The following NHSL1 variants were observed in gnomAD, a reference collection of about 807,000 sequenced individuals.
NHSL1 encodes the protein NHS-like protein 1.
In NHSL1, 48 loss-of-function variants were observed where a neutral mutation model predicts 95.0. That is an observed-to-expected ratio of 0.51 (90% CI 0.40 to 0.64). The LOEUF is 0.64. NHSL1 is among the 30% of genes least tolerant of loss of function. The pLI is 0.00. For missense variants in NHSL1, 1,971 were observed against 2,077.7 expected, an observed-to-expected ratio of 0.95 and a Z score of 1.00; for synonymous variants, 783 against 833.9, an observed-to-expected ratio of 0.94 and a Z score of 1.05.
chr6:138,512,218 A>G, intron 1 of NHSL1: 1 of 446,790 alleles, frequency 2.2e-6, no homozygotes, highest in Non-Finnish European at 4.5e-6. Flanking sequence ...ATGCACAATC[A>G]TTTTTAATCA....
In NHSL1 at chr6:138,432,921, T is replaced by C. The variant is rs370193302; in HGVS notation, c.1424A>G (p.His475Arg). The C allele has an allele frequency of 9.4e-5, 146 of 1,551,314 alleles. No individual in the cohort carries two copies. The East Asian group carries it at 2.6e-3, about 27-fold the overall frequency. The change falls in exon 6 of 8, where the codon CAT becomes CGT. Residue 475 changes from histidine (H) to arginine (R), a missense_variant. Physicochemically the swap from His to Arg is conservative, Grantham distance 29. This residue lies in a region of NHSL1 where 1,602 missense variants were observed against 1,654.5 expected (regional missense o/e 0.97). Transcript: ENST00000343505. The surrounding 1 kb of genome is among the most constrained non-coding windows in gnomAD (Gnocchi z 4.4). ...TAAGTCCTGTGAAAGAATGGTGGCA[T>C]GGCCCTCATTCCAGTGGCGACCGGG... is the stretch of plus-strand genomic sequence containing the variant. ...QSPGRHWNEG[H>R]ATILSQDLDP...
At chr6:138,529,984 C>A (rs1164865019) in intron 1 of NHSL1, among the ~76,000 whole-genome samples, 2 of 152,238 alleles carry the variant, frequency 1.3e-5, no homozygotes, top group East Asian at 1.9e-4. Flanking sequence ...AGTTGTTTTC[C>A]ATTATTTGAA....
chr6:138,541,467 C>T (rs4479952), intron 1 of NHSL1, among the ~76,000 whole-genome samples: 24,039 of 152,176 alleles, frequency 0.16, 4,150 homozygotes, highest in African/African-American at 0.44. Context: ...CATTGTGTAA[C>T]AATCACACCA....
At chr6:138,558,283 C>T (rs1044604884) in intron 1 of NHSL1, among the ~76,000 whole-genome samples, 3 of 151,666 alleles carry the variant, frequency 2.0e-5, no homozygotes, top group African/African-American at 7.3e-5. Context: ...CCACCACGCC[C>T]GGCTAATTTT....
At chr6:138,501,106 A>G (rs924732799), upstream of NHSL1, among the ~76,000 whole-genome samples, 8 of 152,236 alleles carry the variant, frequency 5.3e-5, no homozygotes, top group Admixed American at 4.6e-4. Flanking sequence ...CAAGTGTTTG[A>G]GGTTAAGTGT....
chr6:138,524,363 A>C (rs1046073725), intron 1 of NHSL1, among the ~76,000 whole-genome samples: 2 of 152,170 alleles, frequency 1.3e-5, no homozygotes, highest in African/African-American at 4.8e-5. Flanking sequence ...CCAGCTCCCA[A>C]GACCTCCTGT....
chr6:138,545,674 G>A, exon 1 of NHSL1: 1 of 1,289,166 alleles, frequency 7.8e-7, no homozygotes. Context: ...GTGCTCTGTG[G>A]TCTGATGAAG....
intron 5 of NHSL1, among the ~76,000 whole-genome samples, chr6:138,434,965 T>C (rs1310312308): frequency 6.6e-6 from 1 of 152,184 alleles, no homozygotes; most frequent in Non-Finnish European, 1.5e-5. Context: ...TTCACTGTGA[T>C]GATGGAGAGG....
chr6:138,501,591 T>C (rs1437180007), upstream of NHSL1, among the ~76,000 whole-genome samples: 1 of 152,178 alleles, frequency 6.6e-6, no homozygotes, highest in Non-Finnish European at 1.5e-5. Context: ...GAGAGATTCC[T>C]CAGGCTGTGA....
At chr6:138,614,377 C>T (rs1422667286) in intron 1 of NHSL1, among the ~76,000 whole-genome samples, 2 of 152,192 alleles carry the variant, frequency 1.3e-5, no homozygotes, top group Non-Finnish European at 2.9e-5. Context: ...CCTCGTGAAA[C>T]CATCCTAGCC....
chr6:138,585,147 T>C (rs1030638533), intron 1 of NHSL1, among the ~76,000 whole-genome samples: 1 of 152,228 alleles, frequency 6.6e-6, no homozygotes, highest in Non-Finnish European at 1.5e-5. Flanking sequence ...TTGAAATAGA[T>C]GTGGCTGGTG....
chr6:138,587,023 AG>A (rs1247164651), intron 1 of NHSL1, among the ~76,000 whole-genome samples: 15 of 151,466 alleles, frequency 9.9e-5, no homozygotes, highest in African/African-American at 3.6e-4. Context: ...TCCATGTTGG[AG>A]TGCAGCGGTA....
chr6:138,610,113 C>T (rs904976265), intron 1 of NHSL1, among the ~76,000 whole-genome samples: 10 of 152,158 alleles, frequency 6.6e-5, no homozygotes, highest in Non-Finnish European at 1.3e-4. Context: ...CAGGGCCCCA[C>T]CAATGCCTCA....
At chr6:138,473,565 A>G (rs1778885694) in intron 2 of NHSL1, 132 bp from the exon 3 acceptor site, 1 of 1,048,914 alleles carries the variant, frequency 9.5e-7, no homozygotes, top group African/African-American at 1.6e-5. Context: ...ATTTTAAAAT[A>G]ATGATAAAAA....
At chr6:138,438,108 A>C (rs1776304756) in intron 5 of NHSL1, among the ~76,000 whole-genome samples, 2 of 152,208 alleles carry the variant, frequency 1.3e-5, no homozygotes, top group African/African-American at 4.8e-5. Context: ...AATGTTAATA[A>C]ACAGTATTAC....
intron 1 of NHSL1, chr6:138,650,747 C>T (rs1471262536): frequency 1.1e-5 from 6 of 545,604 alleles, no homozygotes; most frequent in Non-Finnish European, 2.2e-5. Context: ...AGGAGGTCTC[C>T]TTCACAACTT....
chr6:138,644,612 A>G (rs1166898852), intron 1 of NHSL1, among the ~76,000 whole-genome samples: 4 of 152,270 alleles, frequency 2.6e-5, no homozygotes, highest in African/African-American at 7.2e-5. Context: ...TTTTCAAAAA[A>G]GAGACACAGG....
intron 1 of NHSL1, among the ~76,000 whole-genome samples, chr6:138,687,304 C>A (rs1000211361): frequency 6.6e-6 from 1 of 151,510 alleles, no homozygotes; most frequent in Non-Finnish European, 1.5e-5. Context: ...AAGAAGAAGA[C>A]GAAGTGCAGT....
At chr6:138,550,496 C>A (rs1349505509), upstream of NHSL1, among the ~76,000 whole-genome samples, 1 of 152,202 alleles carries the variant, frequency 6.6e-6, no homozygotes, top group Non-Finnish European at 1.5e-5. Flanking sequence ...AAAGGTCTGG[C>A]CTTTGCCAAC....
Sources: allele counts gnomAD v4.1 joint callset (sites outside exome capture counted in the v4.1 genomes callset), GRCh38; gene constraint gnomAD v4.1.1; regional missense constraint gnomAD v4.1.1; non-coding constraint Gnocchi (gnomAD v3.1); transcripts MANE v1.5; gene names NCBI Gene and HGNC (gene_info 2026-07-23, HGNC 2026-07-21).